Variants in SUPT3H observed in about 807,000 individuals in gnomAD.
SUPT3H encodes transcription initiation protein SPT3 homolog.
In SUPT3H, 44 loss-of-function variants were observed where a neutral mutation model predicts 44.3. The ratio of observed to expected loss-of-function variants is 0.99; its 90% CI spans 0.78 to 1.28. The LOEUF is 1.28. SUPT3H is among the 50% of genes most tolerant of loss of function. SUPT3H has a pLI of 0.00. For missense variants in SUPT3H, 380 were observed against 387.1 expected (o/e 0.98, Z 0.15); for synonymous variants, 124 against 125.6 (o/e 0.99, Z 0.09).
intron 2 of SUPT3H, among the ~76,000 whole-genome samples, chr6:45,111,624 T>C (rs1800082173): frequency 6.8e-6 from 1 of 146,650 alleles, no homozygotes; most frequent in African/African-American, 2.5e-5. Context: ...TTTCAAACAA[T>C]TACCCTTATT....
intron 2 of SUPT3H, among the ~76,000 whole-genome samples, chr6:45,160,670 T>G (rs1808797589): frequency 6.7e-6 from 1 of 149,880 alleles, no homozygotes; most frequent in Admixed American, 6.6e-5. Flanking sequence ...AGTAAAAAAG[T>G]AAAGTACAAA....
At chr6:45,276,416 G>T (rs1188022076) in intron 2 of SUPT3H, among the ~76,000 whole-genome samples, 5 of 151,998 alleles carry the variant, frequency 3.3e-5, no homozygotes, top group Non-Finnish European at 7.4e-5. Flanking sequence ...CACTAAAATA[G>T]TTATTGTTCA....
intron 10 of SUPT3H, among the ~76,000 whole-genome samples, chr6:44,890,895 C>G (rs900306830): frequency 3.3e-5 from 5 of 151,320 alleles, no homozygotes; most frequent in Non-Finnish European, 5.9e-5. Flanking sequence ...AACACAGGAA[C>G]AGAAAACCAA....
At chr6:44,891,020 C>T (rs1763227777) in intron 10 of SUPT3H, among the ~76,000 whole-genome samples, 1 of 151,940 alleles carries the variant, frequency 6.6e-6, no homozygotes, top group African/African-American at 2.4e-5. Context: ...AGGAGAAATA[C>T]CTAATGTAGA....
At chr6:45,348,392 C>A (rs1010083131) in intron 2 of SUPT3H, among the ~76,000 whole-genome samples, 1 of 151,706 alleles carries the variant, frequency 6.6e-6, no homozygotes, top group Admixed American at 6.6e-5. Context: ...AATAGCCAGG[C>A]ACGGTGGCTC....
intron 10 of SUPT3H, among the ~76,000 whole-genome samples, chr6:44,904,833 T>G (rs974210356): frequency 2.0e-5 from 3 of 152,026 alleles, no homozygotes; most frequent in African/African-American, 7.2e-5. Context: ...TATAGACCAA[T>G]AGAACAGAAC....
intron 10 of SUPT3H, among the ~76,000 whole-genome samples, chr6:44,835,291 G>A (rs1317574200): frequency 1.3e-5 from 2 of 152,086 alleles, no homozygotes; most frequent in South Asian, 2.1e-4. Flanking sequence ...AAAAGATTTG[G>A]AGCATACATT....
chr6:44,951,055 C>T (rs776342397), intron 9 of SUPT3H, among the ~76,000 whole-genome samples: 2 of 151,902 alleles, frequency 1.3e-5, no homozygotes, highest in Admixed American at 1.3e-4. Flanking sequence ...GCCTACTATT[C>T]CTCTTTAATG....
intron 3 of SUPT3H, among the ~76,000 whole-genome samples, chr6:45,057,582 TC>T (rs1437678982): frequency 1.3e-5 from 2 of 152,160 alleles, no homozygotes; most frequent in Non-Finnish European, 2.9e-5. Context: ...TGAGGAGGAC[TC>T]AGAGTTGAGA....
chr6:45,178,208 A>T (rs1360950822), intron 2 of SUPT3H, among the ~76,000 whole-genome samples: 8 of 152,206 alleles, frequency 5.3e-5, no homozygotes, highest in Non-Finnish European at 8.8e-5. Context: ...AGGCTCAAAT[A>T]AAAGGATAGA....
intron 2 of SUPT3H, among the ~76,000 whole-genome samples, chr6:45,233,149 T>C (rs920556929): frequency 6.6e-6 from 1 of 152,180 alleles, no homozygotes; most frequent in Non-Finnish European, 1.5e-5. Flanking sequence ...GTCTTTGGTG[T>C]GCTGCACTGT....
chr6:45,304,514 T>C (rs1472079449), intron 2 of SUPT3H, among the ~76,000 whole-genome samples: 1 of 152,222 alleles, frequency 6.6e-6, no homozygotes. Context: ...AAGGCTAGTA[T>C]CATTTTCTAA....
At chr6:45,031,922 C>A (rs1787001786) in intron 3 of SUPT3H, among the ~76,000 whole-genome samples, 1 of 152,100 alleles carries the variant, frequency 6.6e-6, no homozygotes, top group South Asian at 2.1e-4. Flanking sequence ...ACCATGTTTA[C>A]CATGGTACAC....
intron 9 of SUPT3H, among the ~76,000 whole-genome samples, chr6:44,937,740 T>C (rs1430517905): frequency 6.6e-6 from 1 of 152,240 alleles, no homozygotes; most frequent in African/African-American, 2.4e-5. Flanking sequence ...AAAAAATGCC[T>C]ATTCATTTCC....
intron 10 of SUPT3H, among the ~76,000 whole-genome samples, chr6:44,877,017 A>T (rs891946967): frequency 1.3e-5 from 2 of 152,214 alleles, no homozygotes; most frequent in African/African-American, 4.8e-5. Context: ...TGGAAAAAGG[A>T]TTTGACAGTT....
chr6:45,347,255 T>TATATATA (rs1451704203), intron 2 of SUPT3H, among the ~76,000 whole-genome samples: 3 of 152,190 alleles, frequency 2.0e-5, no homozygotes, highest in Admixed American at 6.5e-5. Context: ...TAAACTACAG[T>TATATATA]GAATAATTAA....
intron 2 of SUPT3H, among the ~76,000 whole-genome samples, chr6:45,330,240 A>G (rs1787185217): frequency 6.6e-6 from 1 of 151,958 alleles, no homozygotes; most frequent in Admixed American, 6.6e-5. Flanking sequence ...GGTACCAAGT[A>G]TTACTCTAAA....
chr6:45,138,747 G>T (rs1163303125), intron 2 of SUPT3H, among the ~76,000 whole-genome samples: 2 of 152,130 alleles, frequency 1.3e-5, no homozygotes, highest in African/African-American at 4.8e-5. Flanking sequence ...AAGAATTTTA[G>T]GGGGAGGTGA....
chr6:44,972,533 A>G (rs570125601), intron 6 of SUPT3H, among the ~76,000 whole-genome samples: 108 of 152,242 alleles, frequency 7.1e-4, no homozygotes, highest in African/African-American at 2.6e-3. Context: ...CCATTCTGCG[A>G]TCTGGAGAAT....
Sources: gnomAD v4.1 joint callset for allele counts (sites outside exome capture counted in the v4.1 genomes callset) on GRCh38, gnomAD v4.1.1 for gene constraint, MANE v1.5 for transcripts, NCBI Gene and HGNC (gene_info 2026-07-23, HGNC 2026-07-21) for gene names.